Variants in MAP2K5 observed in about 807,000 individuals in gnomAD.
MAP2K5 encodes the protein dual specificity mitogen-activated protein kinase kinase 5.
In MAP2K5, 49 loss-of-function variants were observed where a neutral mutation model predicts 83.1. The ratio of observed to expected loss-of-function variants is 0.59; its 90% CI spans 0.47 to 0.75. The LOEUF is 0.75. Ranked by LOEUF, MAP2K5 falls within the 30% of genes least tolerant of loss-of-function variation. The pLI is 0.00. For missense variants in MAP2K5, 457 were observed against 557.5 expected, an observed-to-expected ratio of 0.82 and a Z score of 1.82; for synonymous variants, 202 against 191.8, an observed-to-expected ratio of 1.05 and a Z score of -0.44.
intron 17 of MAP2K5, among the ~76,000 whole-genome samples, chr15:67,733,859 GT>G (rs2089280588): frequency 6.6e-6 from 1 of 152,160 alleles, no homozygotes; most frequent in South Asian, 2.1e-4. Context: ...ATATCCTGTT[GT>G]TAAAACCAAG....
At chr15:67,547,278 G>A (rs577794450) in intron 1 of MAP2K5, among the ~76,000 whole-genome samples, 2 of 152,124 alleles carry the variant, frequency 1.3e-5, no homozygotes, top group East Asian at 3.9e-4. Context: ...CTAAAGTCAA[G>A]GATCAAGTTT....
chr15:67,613,917 G>A (rs529082296), intron 8 of MAP2K5, among the ~76,000 whole-genome samples: 2 of 152,248 alleles, frequency 1.3e-5, no homozygotes, highest in South Asian at 4.1e-4. Flanking sequence ...TGTTCTAGAA[G>A]AGGTAATTTA....
rs545606880 is a variant in MAP2K5 at position 67,790,651 on chromosome 15, G to C, written c.1243-15995G>C. ...GGAGGGGCTGCTTACTGAGTGGTGA[G>C]GGTCTTTAAGATGTGGAGAGCAGCC... On this transcript the variant is annotated intron_variant, in intron 21 of 21. Coordinates refer to ENST00000178640, the MANE Select transcript of MAP2K5 (RefSeq NM_145160.3). This position sits in a 1 kb window ranked among gnomAD's most constrained non-coding sequence, Gnocchi z 4.6. Among the ~76,000 whole-genome samples the C allele has an allele frequency of 5.3e-5, 8 of 152,162 alleles. No individual in the cohort carries two copies. Among genetic ancestry groups the C allele is most frequent in the African/African-American group, 1.9e-4 (8 of 41,486 alleles).
intron 9 of MAP2K5, among the ~76,000 whole-genome samples, chr15:67,645,012 G>A (rs1397653019): frequency 6.6e-6 from 1 of 151,684 alleles, no homozygotes; most frequent in Non-Finnish European, 1.5e-5. Flanking sequence ...GCCAGGTGTG[G>A]TGGCAGACAC....
At chr15:67,611,118 G>A (rs1176410651) in intron 8 of MAP2K5, among the ~76,000 whole-genome samples, 1 of 152,132 alleles carries the variant, frequency 6.6e-6, no homozygotes, top group African/African-American at 2.4e-5. Context: ...GCAGCAAAAT[G>A]TATCAATATA....
chr15:67,664,742 C>T, intron 13 of MAP2K5, 97 bp downstream of exon 13: 1 of 734,990 alleles, frequency 1.4e-6, no homozygotes, highest in South Asian at 1.8e-5. Context: ...ACATTTAAGC[C>T]AGCTGATACA....
rs555876570 is a variant in MAP2K5, at chr15:67,783,487, C to T, written c.1242+10735C>T. ...CTCCGAAACCCAACTGGCACAACCT[C>T]TGTGAAGCTTTGCTAAGCGTGCTTC... On this transcript the variant is annotated intron_variant, in intron 21 of 21. Coordinates refer to ENST00000178640, the MANE Select transcript of MAP2K5 (RefSeq NM_145160.3). The surrounding 1 kb of genome is among the most constrained non-coding windows in gnomAD (Gnocchi z 5.1). Among the ~76,000 whole-genome samples the T allele has an allele frequency of 4.6e-5, 7 of 152,334 alleles. No homozygotes were observed. In the South Asian group the frequency reaches 1.5e-3, roughly 32 times the overall value.
Position 67,555,239 on chromosome 15 carries a change from T to C in MAP2K5, c.184+5157T>C, listed in dbSNP as rs1192681732. Among the ~76,000 whole-genome samples the C allele has an allele frequency of 2.0e-5, 3 of 152,188 alleles. No individual in the cohort carries two copies. Among genetic ancestry groups the C allele is most frequent in the African/African-American group, 4.8e-5 (2 of 41,454 alleles). On this transcript the variant is annotated intron_variant, in intron 2 of 21. Transcript: ENST00000178640. The surrounding 1 kb of genome is among the most constrained non-coding windows in gnomAD (Gnocchi z 5.2). Reference sequence around the variant, plus strand: ...ATTCTGCTGAGGAAGCTTTTACTTATGGCAGAAAGTGAAGGGGCAGCAGGC... The same window carrying C: ...ATTCTGCTGAGGAAGCTTTTACTTACGGCAGAAAGTGAAGGGGCAGCAGGC...
intron 17 of MAP2K5, among the ~76,000 whole-genome samples, chr15:67,741,512 T>C (rs916445352): frequency 6.6e-6 from 1 of 152,138 alleles, no homozygotes; most frequent in African/African-American, 2.4e-5. Context: ...CCAAAGGCCT[T>C]AGGCTGCAGT....
At chr15:67,678,280 C>T (rs747221813) in intron 13 of MAP2K5, among the ~76,000 whole-genome samples, 6 of 152,210 alleles carry the variant, frequency 3.9e-5, no homozygotes, top group African/African-American at 1.2e-4. Context: ...GAGTGGAGAC[C>T]GGCTAATGTG....
chr15:67,709,478 C>CAAAAAAAA (rs34286897), intron 16 of MAP2K5, among the ~76,000 whole-genome samples: 1 of 129,718 alleles, frequency 7.7e-6, no homozygotes, highest in Non-Finnish European at 1.6e-5. Flanking sequence ...GACTTCAGGG[C>CAAAAAAAA]AAAAAAAAAA....
intron 13 of MAP2K5, among the ~76,000 whole-genome samples, chr15:67,683,655 A>C (rs1039605351): frequency 6.6e-6 from 1 of 151,994 alleles, no homozygotes; most frequent in Non-Finnish European, 1.5e-5. Flanking sequence ...CTAGCTACTC[A>C]GGAGGCTGAG....
intron 3 of MAP2K5, among the ~76,000 whole-genome samples, chr15:67,570,579 T>C (rs996138189): frequency 1.3e-5 from 2 of 152,250 alleles, no homozygotes; most frequent in African/African-American, 2.4e-5. Context: ...GGCAGTTGTG[T>C]GCTCTGTGAG....
intron 11 of MAP2K5, among the ~76,000 whole-genome samples, chr15:67,651,315 T>C (rs1473907130): frequency 6.6e-6 from 1 of 152,254 alleles, no homozygotes; most frequent in African/African-American, 2.4e-5. Context: ...CAATGTGTAG[T>C]AATCAACTCA....
Position 67,794,632 on chromosome 15 carries a change from A to C in MAP2K5, c.1243-12014A>C, listed in dbSNP as rs2090573096. On this transcript the variant is annotated intron_variant, in intron 21 of 21. Coordinates refer to ENST00000178640, the MANE Select transcript of MAP2K5 (RefSeq NM_145160.3). The surrounding 1 kb of genome is among the most constrained non-coding windows in gnomAD (Gnocchi z 4.6). ...GAGGGTCGGGTAACTCTGGAACATC[A>C]CAGCTGAAAAAAAAAAAAAAAAAAA... Among the ~76,000 whole-genome samples, 1 of 106,546 alleles carries C rather than the reference A, an allele frequency of 9.4e-6. No individual in the cohort carries two copies. The highest frequency in any genetic ancestry group is 1.1e-4 in the Admixed American group (1 of 9,314). The allele number at this position is 106,546 out of a possible 152,430, so 69.9% of individuals were successfully genotyped here.
At chr15:67,803,365 T>A in intron 21 of MAP2K5, among the ~76,000 whole-genome samples, 1 of 147,612 alleles carries the variant, frequency 6.8e-6, no homozygotes, top group East Asian at 2.0e-4. Flanking sequence ...GGTGGCCAAG[T>A]GAGTTTTGTG....
At chr15:67,616,845 C>G (rs1156618860) in intron 8 of MAP2K5, among the ~76,000 whole-genome samples, 1 of 152,148 alleles carries the variant, frequency 6.6e-6, no homozygotes, top group Non-Finnish European at 1.5e-5. Flanking sequence ...CTTAGGTTTC[C>G]TATCCATTTG....
At chr15:67,661,076 A>C (rs2087224822) in intron 12 of MAP2K5, among the ~76,000 whole-genome samples, 1 of 152,020 alleles carries the variant, frequency 6.6e-6, no homozygotes, top group African/African-American at 2.4e-5. Flanking sequence ...TCCAAGGTTC[A>C]TTACAGCATG....
chr15:67,545,469 C>G (rs965684956), intron 1 of MAP2K5, among the ~76,000 whole-genome samples: 4 of 152,204 alleles, frequency 2.6e-5, no homozygotes, highest in Non-Finnish European at 5.9e-5. Flanking sequence ...CAGTCTACCT[C>G]TCTGAGCCTT....
Sources: allele counts gnomAD v4.1 joint callset (sites outside exome capture counted in the v4.1 genomes callset), GRCh38; gene constraint gnomAD v4.1.1; non-coding constraint Gnocchi (gnomAD v3.1); transcripts MANE v1.5; gene names NCBI Gene and HGNC (gene_info 2026-07-23, HGNC 2026-07-21).